THSD7B: variants seen among roughly 807,000 people sequenced by gnomAD.
THSD7B encodes the protein thrombospondin type-1 domain-containing protein 7B.
A neutral mutation model predicts 213.6 loss-of-function variants in THSD7B; 138 were observed. The observed-to-expected ratio is 0.65, with a 90% CI of 0.56 to 0.74. THSD7B has a LOEUF of 0.74. Ranked by LOEUF, THSD7B falls within the 30% of genes least tolerant of loss-of-function variation. The pLI, the probability that THSD7B is intolerant of heterozygous loss-of-function variation, is 0.00. For missense variants in THSD7B, 1,931 were observed against 1,991.5 expected (o/e 0.97, Z 0.58); for synonymous variants, 742 against 687.0 (o/e 1.08, Z -1.25).
intron 19 of THSD7B, 27 bp from the exon 20 acceptor site, chr2:137,620,582 A>T (rs200297243): frequency 3.2e-6 from 5 of 1,553,880 alleles, no homozygotes; most frequent in Non-Finnish European, 4.4e-6. Context: ...TTTCTCCAAT[A>T]AAGTTGTGTT....
chr2:137,252,182 G>A (rs912630203), intron 10 of THSD7B, among the ~76,000 whole-genome samples: 7 of 143,800 alleles, frequency 4.9e-5, no homozygotes, highest in African/African-American at 1.3e-4. Flanking sequence ...CAGGAGAATC[G>A]CTTGAACCCG....
chr2:136,832,021 A>T (rs1682765769), intron 1 of THSD7B, among the ~76,000 whole-genome samples: 1 of 152,052 alleles, frequency 6.6e-6, no homozygotes, highest in Non-Finnish European at 1.5e-5. Flanking sequence ...TCCTCAACTG[A>T]ATTTAAAGGC....
chr2:137,411,692 A>G lies in THSD7B; in HGVS notation c.2779A>G (p.Ile927Val), dbSNP rs947774384. Residue 927 changes from isoleucine to valine, a missense_variant, in exon 14 of 28, where the codon ATA becomes GTA. By Grantham distance (29) the Ile-to-Val change is conservative. Transcript: ENST00000409968. The stretch of plus-strand genomic sequence containing the variant: ...AGAACTATGTCCTTGTGATGAATTT[A>G]TATCCCAACCTTATGGAAACTGGTC... ...ETELCPCDEF[I>V]SQPYGNWSDC... The G allele has an allele frequency of 1.2e-6, 2 of 1,614,000 alleles. No homozygotes were observed. The highest frequency in any genetic ancestry group is 1.7e-6 in the Non-Finnish European group (2 of 1,179,892).
At chr2:136,822,799 ACT>A (rs1050844225) in intron 1 of THSD7B, among the ~76,000 whole-genome samples, 1 of 152,084 alleles carries the variant, frequency 6.6e-6, no homozygotes, top group Admixed American at 6.6e-5. Flanking sequence ...ATTCATCATG[ACT>A]CTGTGGATGG....
At chr2:137,017,959 C>A (rs1043365508) in intron 2 of THSD7B, among the ~76,000 whole-genome samples, 1 of 150,166 alleles carries the variant, frequency 6.7e-6, no homozygotes, top group Non-Finnish European at 1.5e-5. Flanking sequence ...TCTGTGAGGC[C>A]GAGGGAAAGA....
intron 10 of THSD7B, among the ~76,000 whole-genome samples, chr2:137,242,828 G>A (rs190756185): frequency 6.6e-6 from 1 of 152,162 alleles, no homozygotes; most frequent in Non-Finnish European, 1.5e-5. Context: ...ATCTTCTACT[G>A]ACCCCGTTGT....
chr2:137,158,193 G>A (rs577377999), intron 5 of THSD7B, among the ~76,000 whole-genome samples: 20 of 152,296 alleles, frequency 1.3e-4, no homozygotes, highest in African/African-American at 4.6e-4. Context: ...TGTCTTGTGT[G>A]TGTCTTGATT....
chr2:137,445,604 G>T (rs890730393), intron 14 of THSD7B, among the ~76,000 whole-genome samples: 2 of 151,894 alleles, frequency 1.3e-5, no homozygotes, highest in Non-Finnish European at 2.9e-5. Flanking sequence ...GGTTCCAGAG[G>T]CTGGAAAGGG....
At chr2:137,391,875 A>G (rs570711397) in intron 12 of THSD7B, among the ~76,000 whole-genome samples, 40 of 152,256 alleles carry the variant, frequency 2.6e-4, no homozygotes, top group East Asian at 3.9e-4. Context: ...TGATGTGGGC[A>G]TTTAATGCTA....
In THSD7B at chr2:136,962,862, G is replaced by A. The variant is rs555622690; in HGVS notation, c.139+80545G>A. Among the ~76,000 whole-genome samples the A allele has an allele frequency of 5.2e-4, 79 of 151,084 alleles. 1 individual carries two copies. The highest frequency in any genetic ancestry group is 9.1e-4 in the Non-Finnish European group (62 of 67,798). ...TTGTGGGGTCTTTAAATTTTTTTTT[G>A]CCAGTTATAAAACAGACACACATTT... On this transcript the variant is annotated intron_variant, in intron 2 of 27. Coordinates refer to ENST00000409968, the MANE Select transcript of THSD7B (RefSeq NM_001316349.2).
intron 17 of THSD7B, among the ~76,000 whole-genome samples, chr2:137,593,204 C>G (rs908515750): frequency 2.6e-5 from 4 of 151,794 alleles, no homozygotes; most frequent in Admixed American, 6.6e-5. Context: ...TAGTTTAGAG[C>G]CTTTATGAAT....
intron 2 of THSD7B, among the ~76,000 whole-genome samples, chr2:137,044,110 C>G (rs1686928251): frequency 6.6e-6 from 1 of 152,208 alleles, no homozygotes; most frequent in South Asian, 2.1e-4. Flanking sequence ...TCTCCTCCTT[C>G]CTCTTCAGGC....
chr2:137,366,189 A>C (rs923145008), intron 12 of THSD7B, among the ~76,000 whole-genome samples: 2 of 152,114 alleles, frequency 1.3e-5, no homozygotes, highest in South Asian at 4.1e-4. Flanking sequence ...GGAATTGAAC[A>C]ATGAGAATAC....
chr2:136,996,603 C>T (rs1173096059), intron 2 of THSD7B, among the ~76,000 whole-genome samples: 2 of 152,146 alleles, frequency 1.3e-5, no homozygotes, highest in Non-Finnish European at 2.9e-5. Flanking sequence ...GCCTAAACCT[C>T]CTAAAGTGCT....
At position 137,282,363 on chromosome 2, in the gene THSD7B, A is replaced by G. The variant is rs573604702; in HGVS notation, c.2500+6337A>G. Reference sequence around the variant, plus strand: ...CTCCCGTTCTGTAGGTTGCCTGTTCACTCTGATGGTAGTTTCTTTCGCTGT... The same window carrying G: ...CTCCCGTTCTGTAGGTTGCCTGTTCGCTCTGATGGTAGTTTCTTTCGCTGT... On this transcript the variant is annotated intron_variant, in intron 12 of 27. Coordinates refer to ENST00000409968, the MANE Select transcript of THSD7B (RefSeq NM_001316349.2). Among the ~76,000 whole-genome samples the G allele has an allele frequency of 6.6e-5, 10 of 152,044 alleles. No individual in the cohort carries two copies. The South Asian group carries it at 2.1e-3, about 32-fold the overall frequency.
chr2:137,164,243 T>C (rs2104988108), intron 6 of THSD7B, among the ~76,000 whole-genome samples: 1 of 152,184 alleles, frequency 6.6e-6, no homozygotes, highest in South Asian at 2.1e-4. Flanking sequence ...CAATCAATAC[T>C]TTTTTCAAAG....
intron 4 of THSD7B, among the ~76,000 whole-genome samples, chr2:137,097,490 C>T (rs1199398593): frequency 6.6e-6 from 1 of 151,992 alleles, no homozygotes; most frequent in Non-Finnish European, 1.5e-5. Flanking sequence ...AACTCTGAAG[C>T]CAGTATTCTT....
chr2:137,629,380 C>G (rs759597229), intron 20 of THSD7B, among the ~76,000 whole-genome samples: 3 of 152,164 alleles, frequency 2.0e-5, no homozygotes, highest in African/African-American at 7.2e-5. Flanking sequence ...TTCCAACATA[C>G]CACCTTTATG....
At chr2:137,265,494 G>A (rs1277106997) in intron 10 of THSD7B, among the ~76,000 whole-genome samples, 1 of 152,152 alleles carries the variant, frequency 6.6e-6, no homozygotes, top group Non-Finnish European at 1.5e-5. Flanking sequence ...AAATCATGCT[G>A]CTATAAAGAC....
Sources: gnomAD v4.1 joint callset for allele counts (sites outside exome capture counted in the v4.1 genomes callset) on GRCh38, gnomAD v4.1.1 for gene constraint, MANE v1.5 for transcripts, NCBI Gene and HGNC (gene_info 2026-07-23, HGNC 2026-07-21) for gene names.